AVEN: variants seen among roughly 807,000 people sequenced by gnomAD.
The protein encoded by AVEN is cell death regulator Aven.
AVEN carries 41 observed loss-of-function variants against 38.1 expected under a neutral mutation model. The observed-to-expected ratio is 1.08, with a 90% confidence interval of 0.84 to 1.40. The LOEUF (loss-of-function observed/expected upper bound fraction) is 1.40, where lower values mean the gene tolerates loss of function less well. Ranked by LOEUF, AVEN falls within the 40% of genes most tolerant of loss-of-function variation. The pLI is 0.00. For synonymous variants in AVEN, 206 were observed against 171.8 expected (o/e 1.20, Z -1.56); for missense variants, 605 against 438.8 (o/e 1.38, Z -3.38).
intron 5 of AVEN, among the ~76,000 whole-genome samples, chr15:33,867,067 G>A (rs1890609915): frequency 6.6e-6 from 1 of 152,132 alleles, no homozygotes; most frequent in Non-Finnish European, 1.5e-5. Flanking sequence ...CATCAGATGG[G>A]CCACTATCTC....
At chr15:33,953,352 C>T (rs1894823832) in intron 2 of AVEN, among the ~76,000 whole-genome samples, 1 of 151,876 alleles carries the variant, frequency 6.6e-6, no homozygotes, top group East Asian at 1.9e-4. Flanking sequence ...GCAAAAAGAA[C>T]AAAGCTGGAG....
chr15:34,025,000 G>A lies in AVEN; in HGVS notation c.267+13780C>T, dbSNP rs193080696. Among the ~76,000 whole-genome samples, 13 of 151,520 alleles carry A rather than the reference G, an allele frequency of 8.6e-5. No individual in the cohort carries two copies. The East Asian group carries it at 1.2e-3, about 14-fold the overall frequency. ...GATTTTGAGACCAGTAGAGAACCCC[G>A]TCTCTACTAAAAATACAAAAATTAG... On this transcript the variant is annotated intron_variant, in intron 1 of 5. Transcript: ENST00000306730.
intron 2 of AVEN, among the ~76,000 whole-genome samples, chr15:33,896,390 T>C (rs1325771920): frequency 1.3e-5 from 2 of 152,174 alleles, no homozygotes; most frequent in African/African-American, 2.4e-5. Flanking sequence ...CAGGCGTCAG[T>C]TCTCTCCCTT....
intron 2 of AVEN, among the ~76,000 whole-genome samples, chr15:33,978,391 C>T (rs757244539): frequency 2.0e-5 from 3 of 152,144 alleles, no homozygotes; most frequent in Non-Finnish European, 2.9e-5. Context: ...AGGCCGGGCA[C>T]GATGGCTCAC....
At chr15:33,857,994 G>A, downstream of AVEN, 8 of 1,567,132 alleles carry the variant, frequency 5.1e-6, no homozygotes, top group Non-Finnish European at 6.9e-6. Flanking sequence ...AAGAAGGGCT[G>A]TGTGGGGGTG....
chr15:33,923,959 C>A (rs472679), intron 2 of AVEN, among the ~76,000 whole-genome samples: 8 of 149,846 alleles, frequency 5.3e-5, no homozygotes, highest in Admixed American at 4.0e-4. Context: ...CTCAGGGCTC[C>A]CACTGATTCT....
upstream of AVEN, chr15:34,039,217 G>T: frequency 2.1e-6 from 1 of 477,590 alleles, no homozygotes; most frequent in Non-Finnish European, 2.8e-6. Flanking sequence ...AGCGGGGCGG[G>T]GCGGGGCGGC....
chr15:33,858,273 C>T (rs898667713), downstream of AVEN: 1 of 211,510 alleles, frequency 4.7e-6, no homozygotes, highest in Non-Finnish European at 9.6e-6. Context: ...GGCGTCATCT[C>T]AGCTCATTGC....
chr15:33,989,511 C>A (rs1896626991), intron 2 of AVEN, among the ~76,000 whole-genome samples: 1 of 151,720 alleles, frequency 6.6e-6, no homozygotes, highest in Non-Finnish European at 1.5e-5. Context: ...TGACGCCCAC[C>A]AAGTGTTCCT....
chr15:34,028,195 G>T (rs1425260549), intron 1 of AVEN, among the ~76,000 whole-genome samples: 1 of 152,090 alleles, frequency 6.6e-6, no homozygotes, highest in African/African-American at 2.4e-5. Flanking sequence ...TAAATAATAA[G>T]ATTCTAAATA....
chr15:33,874,413 T>G (rs1407279420), intron 3 of AVEN, among the ~76,000 whole-genome samples: 3 of 152,126 alleles, frequency 2.0e-5, no homozygotes, highest in African/African-American at 7.2e-5. Context: ...GAGCATAACC[T>G]CGTTTTCCTG....
At chr15:33,872,552 G>T (rs998589048) in intron 3 of AVEN, among the ~76,000 whole-genome samples, 2 of 151,906 alleles carry the variant, frequency 1.3e-5, no homozygotes, top group Admixed American at 1.3e-4. Flanking sequence ...TGGGTGGCGT[G>T]GGGGGAGCCG....
intron 2 of AVEN, among the ~76,000 whole-genome samples, chr15:33,987,531 G>C (rs1162080911): frequency 6.6e-6 from 1 of 152,076 alleles, no homozygotes; most frequent in East Asian, 1.9e-4. Flanking sequence ...CAGCCTCTGG[G>C]ACCATCTCTT....
intron 1 of AVEN, among the ~76,000 whole-genome samples, chr15:34,025,973 T>C (rs1355761788): frequency 6.6e-6 from 1 of 152,208 alleles, no homozygotes; most frequent in Non-Finnish European, 1.5e-5. Flanking sequence ...ATTTTTATAA[T>C]CACAATATAT....
At chr15:33,962,180 T>TG (rs1425771870) in intron 2 of AVEN, among the ~76,000 whole-genome samples, 5 of 152,116 alleles carry the variant, frequency 3.3e-5, no homozygotes, top group Admixed American at 1.3e-4. Context: ...AACAAAGGAA[T>TG]GGGGGAAAAA....
intron 2 of AVEN, among the ~76,000 whole-genome samples, chr15:33,933,906 C>T (rs1183664241): frequency 4.6e-5 from 7 of 152,092 alleles, no homozygotes; most frequent in African/African-American, 1.7e-4. Flanking sequence ...TTGCAGTGAG[C>T]CAAGATTGCA....
downstream of AVEN, chr15:33,865,115 GTTCATA>G (rs1567374083): frequency 1.9e-6 from 3 of 1,598,852 alleles, no homozygotes; most frequent in Non-Finnish European, 2.6e-6. Flanking sequence ...AGCACCCGTT[GTTCATA>G]TTATTTCAGG....
At chr15:34,068,812 A>AT (rs750452283) in intron 2 of AVEN, among the ~76,000 whole-genome samples, 837 of 24,728 alleles carry the variant, frequency 0.034, 4 homozygotes, top group Middle Eastern at 0.095. Context: ...CCTACAATCC[A>AT]ATTTTTTTTT....
intron 2 of AVEN, among the ~76,000 whole-genome samples, chr15:33,992,292 A>T (rs1896757548): frequency 6.6e-6 from 1 of 151,990 alleles, no homozygotes; most frequent in South Asian, 2.1e-4. Flanking sequence ...CGGGAGGCTG[A>T]GGGAGGAGAA....
Sources: gnomAD v4.1 joint callset for allele counts (sites outside exome capture counted in the v4.1 genomes callset) on GRCh38, gnomAD v4.1.1 for gene constraint, MANE v1.5 for transcripts, NCBI Gene and HGNC (gene_info 2026-07-23, HGNC 2026-07-21) for gene names.